LINGO2: variants seen among roughly 807,000 people sequenced by gnomAD.
The protein encoded by LINGO2 is leucine-rich repeat and immunoglobulin-like domain-containing nogo receptor-interacting protein 2.
In LINGO2, 14 loss-of-function variants were observed where a neutral mutation model predicts 30.6. The observed-to-expected ratio is 0.46, with a 90% CI of 0.30 to 0.72. The LOEUF (loss-of-function observed/expected upper bound fraction) is 0.72, where lower values mean the gene tolerates loss of function less well. LINGO2 is among the 30% of genes least tolerant of loss of function. The pLI, the probability that LINGO2 is intolerant of heterozygous loss-of-function variation, is 0.07. For synonymous variants in LINGO2, 317 were observed against 288.5 expected (o/e 1.10, Z -1.00); for missense variants, 729 against 751.7 (o/e 0.97, Z 0.35).
intron 4 of LINGO2, among the ~76,000 whole-genome samples, chr9:28,149,411 G>A (rs1251316696): frequency 1.3e-5 from 2 of 151,668 alleles, no homozygotes; most frequent in African/African-American, 2.4e-5. Flanking sequence ...GAAGTAAGGA[G>A]CACCTCTGCC....
intron 1 of LINGO2, among the ~76,000 whole-genome samples, chr9:28,561,627 A>G (rs961500110): frequency 7.9e-6 from 1 of 127,126 alleles, no homozygotes; most frequent in Non-Finnish European, 1.7e-5. Flanking sequence ...TAATATATAT[A>G]AATTATATAT....
At chr9:29,070,729 C>A in the LINGO2 span, among the ~76,000 whole-genome samples, 1 of 138,332 alleles carries the variant, frequency 7.2e-6, no homozygotes, top group African/African-American at 2.7e-5. Context: ...CCCTAAAAGA[C>A]TTCACTATTT....
chr9:28,862,337 TAGTTCAAATTA>T, the LINGO2 span, among the ~76,000 whole-genome samples: 2 of 149,844 alleles, frequency 1.3e-5, no homozygotes, highest in Non-Finnish European at 3.0e-5. Context: ...GTTTGTATCA[TAGTTCAAATTA>T]AATTAGAGTA....
chr9:27,965,740 G>GTA (rs1341424436), intron 5 of LINGO2, among the ~76,000 whole-genome samples: 2 of 152,110 alleles, frequency 1.3e-5, no homozygotes, highest in South Asian at 2.1e-4. Context: ...GACATATATA[G>GTA]TATGCCTATT....
intron 5 of LINGO2, among the ~76,000 whole-genome samples, chr9:27,996,539 A>G (rs762127489): frequency 6.6e-6 from 1 of 152,196 alleles, no homozygotes; most frequent in Non-Finnish European, 1.5e-5. Flanking sequence ...CAGAAAAACA[A>G]ATCTCTCATG....
the LINGO2 span, among the ~76,000 whole-genome samples, chr9:29,000,025 T>G: frequency 6.6e-6 from 1 of 152,136 alleles, no homozygotes; most frequent in Non-Finnish European, 1.5e-5. Flanking sequence ...ATATTTCATT[T>G]AGATAGTAGA....
chr9:28,800,317 T>C, the LINGO2 span, among the ~76,000 whole-genome samples: 2 of 152,120 alleles, frequency 1.3e-5, no homozygotes, highest in African/African-American at 2.4e-5. Flanking sequence ...TTTTTTGGTA[T>C]GGCCTACCAG....
the LINGO2 span, among the ~76,000 whole-genome samples, chr9:28,948,501 C>G: frequency 1.3e-5 from 2 of 151,964 alleles, no homozygotes; most frequent in African/African-American, 4.8e-5. Context: ...AAAATTTGAG[C>G]AATTTTCTGA....
At chr9:28,163,689 G>A (rs1405410958) in intron 4 of LINGO2, among the ~76,000 whole-genome samples, 1 of 152,052 alleles carries the variant, frequency 6.6e-6, no homozygotes, top group Non-Finnish European at 1.5e-5. Context: ...CAAATCAAAA[G>A]TACAGATTAT....
intron 4 of LINGO2, among the ~76,000 whole-genome samples, chr9:28,227,086 G>T (rs1448988234): frequency 1.3e-5 from 2 of 152,058 alleles, no homozygotes; most frequent in Non-Finnish European, 2.9e-5. Flanking sequence ...AAAGAGCTTG[G>T]CAAAGTGTCT....
intron 4 of LINGO2, among the ~76,000 whole-genome samples, chr9:28,078,151 T>C (rs1203283253): frequency 6.7e-6 from 1 of 149,340 alleles, no homozygotes; most frequent in Non-Finnish European, 1.5e-5. Context: ...CCATCATTTC[T>C]GCCAGTGAGA....
At chr9:28,938,921 G>A in the LINGO2 span, among the ~76,000 whole-genome samples, 5 of 152,098 alleles carry the variant, frequency 3.3e-5, no homozygotes, top group Admixed American at 2.0e-4. Flanking sequence ...GAGCTCACAC[G>A]CAGAAATTGA....
rs1044256465 is a variant in LINGO2, at chr9:28,087,740, T to C, written c.-86-75335A>G. Among the ~76,000 whole-genome samples, 6 of 152,030 alleles carry C rather than the reference T, an allele frequency of 3.9e-5. No individual in the cohort carries two copies. The South Asian group carries it at 1.2e-3, about 32-fold the overall frequency. On this transcript the variant is annotated intron_variant, in intron 4 of 5. Coordinates refer to ENST00000379992, the Ensembl canonical transcript of LINGO2. ...AAGTACACCAGTGGCCCTTACCTAA[T>C]TCCTGAGACAATCTTATGGGAATTA...
chr9:29,021,771 A>G, the LINGO2 span, among the ~76,000 whole-genome samples: 1 of 152,116 alleles, frequency 6.6e-6, no homozygotes, highest in Non-Finnish European at 1.5e-5. Flanking sequence ...AATTCTAAGT[A>G]TATACATATA....
intron 1 of LINGO2, among the ~76,000 whole-genome samples, chr9:28,492,640 C>T (rs1400424085): frequency 6.6e-6 from 1 of 152,062 alleles, no homozygotes; most frequent in Non-Finnish European, 1.5e-5. Context: ...TAATTATTCC[C>T]TCCATTGAAG....
At chr9:28,143,697 T>G (rs1057224772) in intron 4 of LINGO2, among the ~76,000 whole-genome samples, 9 of 150,870 alleles carry the variant, frequency 6.0e-5, no homozygotes, top group African/African-American at 2.2e-4. Flanking sequence ...AGAACAAACA[T>G]GTATAAATAG....
At chr9:28,702,694 A>G in the LINGO2 span, among the ~76,000 whole-genome samples, 4 of 151,900 alleles carry the variant, frequency 2.6e-5, no homozygotes, top group African/African-American at 9.7e-5. Context: ...TTTCTGGAAG[A>G]GATGACAGAA....
chr9:29,071,351 CT>C, the LINGO2 span, among the ~76,000 whole-genome samples: 274 of 150,774 alleles, frequency 1.8e-3, 1 homozygote, highest in African/African-American at 6.3e-3. Flanking sequence ...AACACCATGC[CT>C]GGCAAAAGTC....
chr9:28,923,571 A>G, the LINGO2 span, among the ~76,000 whole-genome samples: 4 of 152,330 alleles, frequency 2.6e-5, no homozygotes, highest in African/African-American at 9.6e-5. Context: ...GCATGTTCCA[A>G]GAGTGAATCC....
Sources: allele counts gnomAD v4.1 joint callset (sites outside exome capture counted in the v4.1 genomes callset), GRCh38; gene constraint gnomAD v4.1.1; transcripts MANE v1.5; gene names NCBI Gene and HGNC (gene_info 2026-07-23, HGNC 2026-07-21).